RAD9B: variants seen among roughly 807,000 people sequenced by gnomAD.
The protein encoded by RAD9B is cell cycle checkpoint control protein RAD9B.
RAD9B carries 41 observed loss-of-function variants against 48.3 expected under a neutral mutation model. The ratio of observed to expected loss-of-function variants is 0.85; its 90% confidence interval spans 0.66 to 1.10. The LOEUF is 1.10. Among genes scored for constraint, RAD9B ranks in the 50% least tolerant of loss-of-function variants. RAD9B has a pLI of 0.00. For synonymous variants in RAD9B, 160 were observed against 157.9 expected (o/e 1.01, Z -0.10); for missense variants, 444 against 485.1 (o/e 0.92, Z 0.80).
chr12:110,509,208 T>TCTGC (rs915225780), intron 4 of RAD9B, among the ~76,000 whole-genome samples: 1 of 152,088 alleles, frequency 6.6e-6, no homozygotes, highest in Non-Finnish European at 1.5e-5. Context: ...GACCTCGTGA[T>TCTGC]CTGCCCTCCT....
At chr12:110,508,997 T>C (rs950982868) in intron 4 of RAD9B, among the ~76,000 whole-genome samples, 13 of 151,920 alleles carry the variant, frequency 8.6e-5, no homozygotes, top group Admixed American at 5.3e-4. Flanking sequence ...CGGAGTCTGG[T>C]TCTGTCGCCC....
At chr12:110,514,703 C>T (rs2063558971) in intron 5 of RAD9B, among the ~76,000 whole-genome samples, 1 of 152,156 alleles carries the variant, frequency 6.6e-6, no homozygotes, top group Admixed American at 6.6e-5. Flanking sequence ...CTTCACTTTC[C>T]AGTATCTCCC....
In RAD9B at chr12:110,502,593, A is replaced by G. The variant is rs2063115633; in HGVS notation, c.46+210A>G. On this transcript the variant is annotated intron_variant, in intron 1 of 10. Coordinates refer to ENST00000409300, the MANE Select transcript of RAD9B (RefSeq NM_001286535.2). ...CGTGTGACTTAGAGGCAGATGTAAT[A>G]TGGGTGGTATCCGGGAAATAGAGTT... 5 of 586,172 alleles carry G rather than the reference A, an allele frequency of 8.5e-6. No homozygotes were observed. In the East Asian group the frequency reaches 1.2e-4, roughly 14 times the overall value. The allele number at this position is 586,172 out of a possible 1,614,324, so 36.3% of individuals were successfully genotyped here.
At chr12:110,507,480 AAATATAATACATAATATAT>A (rs2063324577) in intron 4 of RAD9B, among the ~76,000 whole-genome samples, 1 of 12,538 alleles carries the variant, frequency 8.0e-5, no homozygotes, top group Non-Finnish European at 1.6e-4. Context: ...TATATGTATT[AAATATAATACATAATATAT>A]GTATTAAATA....
intron 8 of RAD9B, 59 bp downstream of exon 8, chr12:110,518,997 C>T (rs547531415): frequency 1.8e-6 from 2 of 1,142,162 alleles, no homozygotes; most frequent in Non-Finnish European, 2.5e-6. Context: ...ATAACAAAAC[C>T]TTTTGGATCA....
At position 110,531,150 on chromosome 12, in the gene RAD9B, GA is replaced by G. The variant is rs2064125489; in HGVS notation, c.*499del. 4.0e-6 allele frequency: 4 copies of G among 998,312 alleles called. No homozygotes were observed. Among genetic ancestry groups the G allele is most frequent in the Non-Finnish European group, 4.8e-6 (4 of 836,860 alleles). 61.8% of individuals were successfully genotyped at this position (998,312 alleles called of 1,614,324 possible). A position where few individuals can be genotyped will look rare whatever the true frequency, so the allele number is the denominator to read the frequency against. The stretch of plus-strand genomic sequence containing the variant: ...TTTTTATATTTTAAGACTTTAAGTA[GA>G]ATAAACCCTGGAAAAAAGATCAAGA... On this transcript the variant is annotated 3_prime_UTR_variant, in exon 11 of 11. Coordinates refer to ENST00000409300, the MANE Select transcript of RAD9B (RefSeq NM_001286535.2).
Position 110,518,907 on chromosome 12 carries a change from C to G in RAD9B, c.736C>G (p.Pro246Ala). 2 of 1,573,560 alleles carry G rather than the reference C, an allele frequency of 1.3e-6. No individual in the cohort carries two copies. The highest frequency in any genetic ancestry group is 1.7e-6 in the Non-Finnish European group (2 of 1,160,154). ...GACATTTTCAGAAGCTACACATGCTCCTATATCCATTTATTTTGATTTCCC... is the reference window on the plus strand; with the variant it reads ...GACATTTTCAGAAGCTACACATGCTGCTATATCCATTTATTTTGATTTCCC... ...ILTFSEATHA[P>A]ISIYFDFPGK... The change falls in exon 8 of 11, where the codon CCT becomes GCT. Residue 246 changes from proline (P) to alanine (A), a missense_variant. By Grantham distance (27) the Pro-to-Ala change is conservative. Coordinates refer to ENST00000409300, the MANE Select transcript of RAD9B (RefSeq NM_001286535.2).
At chr12:110,514,063 T>TCCTTCCTC (rs1433511265) in intron 5 of RAD9B, among the ~76,000 whole-genome samples, 1 of 151,902 alleles carries the variant, frequency 6.6e-6, no homozygotes, top group African/African-American at 2.4e-5. Context: ...CTTCCTTGCT[T>TCCTTCCTC]CCTTCCTTCC....
chr12:110,503,729 A>G (rs921777760), intron 1 of RAD9B, 77 bp from the exon 2 acceptor site: 4 of 1,006,472 alleles, frequency 4.0e-6, no homozygotes, highest in Non-Finnish European at 6.2e-6. Flanking sequence ...AGTCCTCTGA[A>G]TGCTGAACTA....
At chr12:110,525,815 C>T (rs879330961) in intron 10 of RAD9B, among the ~76,000 whole-genome samples, 26 of 152,122 alleles carry the variant, frequency 1.7e-4, no homozygotes, top group African/African-American at 6.0e-4. Context: ...CTCAGCCTCT[C>T]GAGTAGCTGA....
At chr12:110,508,222 GTGGAGATGATCA>G (rs1481513045) in intron 4 of RAD9B, 1 of 169,236 alleles carries the variant, frequency 5.9e-6, no homozygotes, top group Non-Finnish European at 1.5e-5. Context: ...TTACTGTGAA[GTGGAGATGATCA>G]TGCCTACCCA....
chr12:110,507,502 ATTAAATATAATACATAATATATG>A (rs2063328170), intron 4 of RAD9B, among the ~76,000 whole-genome samples: 1 of 25,554 alleles, frequency 3.9e-5, no homozygotes, highest in Non-Finnish European at 1.1e-4. Context: ...TAATATATGT[ATTAAATATAATACATAATATATG>A]TATTAAATAT....
At chr12:110,517,011 G>C (rs570414367) in intron 6 of RAD9B, among the ~76,000 whole-genome samples, 4 of 152,014 alleles carry the variant, frequency 2.6e-5, no homozygotes, top group Non-Finnish European at 5.9e-5. Context: ...ACAGGAGATT[G>C]AGTGAAGATA....
chr12:110,507,895 C>T (rs887927728), intron 4 of RAD9B, among the ~76,000 whole-genome samples: 3 of 151,760 alleles, frequency 2.0e-5, no homozygotes, highest in East Asian at 1.9e-4. Context: ...GATGATCTGC[C>T]GGCCTTGACC....
At position 110,522,275 on chromosome 12, in the gene RAD9B, A is replaced by G. The variant is rs767546441; in HGVS notation, c.989A>G (p.Glu330Gly). ...KAAPRRLYPKETLTNISALEN... is the reference protein window; with the variant it reads ...KAAPRRLYPKGTLTNISALEN... The stretch of plus-strand genomic sequence containing the variant: ...GCACCAAGAAGGCTTTATCCTAAGG[A>G]GACTCTCACAAACATATCTGCATTG... Residue 330 changes from glutamate (E) to glycine (G), a missense_variant, in exon 10 of 11, where the codon GAG becomes GGG. Glu to Gly is a moderately conservative substitution (Grantham distance 98). Coordinates refer to ENST00000409300, the MANE Select transcript of RAD9B (RefSeq NM_001286535.2). 42 of 1,613,248 alleles carry G rather than the reference A, an allele frequency of 2.6e-5. No individual in the cohort carries two copies. Among genetic ancestry groups the G allele is most frequent in the Non-Finnish European group, 3.5e-5 (41 of 1,179,624 alleles).
At chr12:110,527,531 A>G (rs561282834) in intron 10 of RAD9B, among the ~76,000 whole-genome samples, 2 of 152,286 alleles carry the variant, frequency 1.3e-5, no homozygotes, top group Admixed American at 1.3e-4. Flanking sequence ...AGACGTGAGG[A>G]TGACCCAAGA....
chr12:110,522,426 A>G lies in RAD9B; in HGVS notation c.1125+15A>G. 6.5e-7 allele frequency: 1 copy of G among 1,536,906 alleles called. No individual in the cohort carries two copies. The highest frequency in any genetic ancestry group is 8.9e-7 in the Non-Finnish European group (1 of 1,121,446). ...GTCTCAGAAAGGTAAAAGCATTGAG[A>G]TTCAACCACATCTCAGTCAAGAATT... On this transcript the variant is annotated intron_variant, in intron 10 of 10. Transcript: ENST00000409300.
Position 110,519,860 on chromosome 12 carries a change from T to G in RAD9B, c.834T>G (p.Asp278Glu). Residue 278 changes from aspartate (D) to glutamate (E), a missense_variant, in exon 9 of 11, where the codon GAT (aspartate) becomes GAG (glutamate). By Grantham distance (45) the Asp-to-Glu change is conservative. Coordinates refer to ENST00000409300, the MANE Select transcript of RAD9B (RefSeq NM_001286535.2). ...ACTTTATTTTGGCCACATTAGCTGA[T>G]GAACAAAGTAGAGCATCTTCACCAC... ...EANFILATLA[D>E]EQSRASSPQS... is the part of the protein sequence containing the mutation. 6.2e-7 allele frequency: 1 copy of G among 1,613,438 alleles called. No homozygotes were observed. Among genetic ancestry groups the G allele is most frequent in the South Asian group, 1.1e-5 (1 of 90,924 alleles).
rs768021094 is a variant in RAD9B at position 110,530,721 on chromosome 12, G to C, written c.*68G>C. ...TCATTTGCCCCTCAAGCACGAGTTT[G>C]CATGTTTAGTGTCTAAAAGAGGTTG... On this transcript the variant is annotated 3_prime_UTR_variant, in exon 11 of 11. Coordinates refer to ENST00000409300, the MANE Select transcript of RAD9B (RefSeq NM_001286535.2). The C allele has an allele frequency of 1.1e-4, 172 of 1,601,752 alleles. No individual in the cohort carries two copies. Among genetic ancestry groups the C allele is most frequent in the African/African-American group, 1.6e-4 (12 of 74,454 alleles).
Sources: gnomAD v4.1 joint callset for allele counts (sites outside exome capture counted in the v4.1 genomes callset) on GRCh38, gnomAD v4.1.1 for gene constraint, MANE v1.5 for transcripts, NCBI Gene and HGNC (gene_info 2026-07-23, HGNC 2026-07-21) for gene names.